The following PLOD2 variants were observed in gnomAD, a reference collection of about 807,000 sequenced individuals.
The protein encoded by PLOD2 is lysine hydroxylase 2.
PLOD2 carries 65 observed loss-of-function variants against 101.0 expected under a neutral mutation model. The observed-to-expected ratio is 0.64, with a 90% CI of 0.53 to 0.79. PLOD2 has a LOEUF of 0.79. Ranked by LOEUF, PLOD2 falls within the 30% of genes least tolerant of loss-of-function variation. The pLI, the probability that PLOD2 is intolerant of heterozygous loss-of-function variation, is 0.00. For missense variants in PLOD2, 909 were observed against 914.6 expected, an observed-to-expected ratio of 0.99 and a Z score of 0.08; for synonymous variants, 314 against 302.9, an observed-to-expected ratio of 1.04 and a Z score of -0.38.
At chr3:146,142,021 A>G (rs1234683125) in intron 1 of PLOD2, among the ~76,000 whole-genome samples, 1 of 152,080 alleles carries the variant, frequency 6.6e-6, no homozygotes, top group Admixed American at 6.6e-5. Context: ...GTTCCCAGAG[A>G]GTTAGAAAAT....
intron 7 of PLOD2, among the ~76,000 whole-genome samples, chr3:146,097,812 T>A (rs1489586462): frequency 2.2e-4 from 21 of 96,686 alleles, no homozygotes; most frequent in African/African-American, 6.6e-4. Flanking sequence ...AAAATAATAA[T>A]AATAATAATA....
At chr3:146,126,609 G>A (rs947295281) in intron 1 of PLOD2, among the ~76,000 whole-genome samples, 3 of 152,018 alleles carry the variant, frequency 2.0e-5, no homozygotes, top group African/African-American at 7.2e-5. Context: ...TTATGTAATC[G>A]ATGGCAAAAG....
At position 146,161,091 on chromosome 3, in the gene PLOD2, TGCGGGCGGGAGCCGGCGGGCAAGGCGC is replaced by T; in HGVS notation, c.-129_-103del. On this transcript the variant is annotated 5_prime_UTR_variant, in exon 1 of 20. Coordinates refer to ENST00000282903, the MANE Select transcript of PLOD2 (RefSeq NM_182943.3). Reference sequence around the variant, plus strand: ...CCCGGGTCCGCCCTGAGCCGCCGATTGCGGGCGGGAGCCGGCGGGCAAGGCGCGCGGCCGGCAGCCGGAGCGGCGCGT... The same window carrying T: ...CCCGGGTCCGCCCTGAGCCGCCGATTGCGGCCGGCAGCCGGAGCGGCGCGT... 5.8e-6 allele frequency: 4 copies of T among 692,500 alleles called. No homozygotes were observed. Among genetic ancestry groups the T allele is most frequent in the Non-Finnish European group, 8.6e-6 (4 of 465,822 alleles). The allele number at this position is 692,500 out of a possible 1,614,324, so 42.9% of individuals were successfully genotyped here. A position where few individuals can be genotyped will look rare whatever the true frequency, so the allele number is the denominator to read the frequency against.
At chr3:146,097,133 G>C (rs1346869507) in intron 7 of PLOD2, among the ~76,000 whole-genome samples, 5 of 111,090 alleles carry the variant, frequency 4.5e-5, no homozygotes, top group African/African-American at 8.9e-5. Flanking sequence ...AGGTGGGGGG[G>C]TCAGCCCCCC....
chr3:146,095,632 T>C (rs1937122664), intron 7 of PLOD2, among the ~76,000 whole-genome samples: 1 of 152,100 alleles, frequency 6.6e-6, no homozygotes, highest in Non-Finnish European at 1.5e-5. Context: ...TTTCAACCAT[T>C]GTGGAAGAGA....
At chr3:146,100,284 A>G (rs1443365071) in intron 7 of PLOD2, among the ~76,000 whole-genome samples, 1 of 152,234 alleles carries the variant, frequency 6.6e-6, no homozygotes, top group Non-Finnish European at 1.5e-5. Context: ...CTAACATTCA[A>G]TTAAGATTTG....
chr3:146,071,595 C>G (rs1008816983), intron 17 of PLOD2, among the ~76,000 whole-genome samples, 172 bp from the exon 18 acceptor site: 4 of 151,672 alleles, frequency 2.6e-5, no homozygotes, highest in African/African-American at 9.7e-5. Flanking sequence ...TAGGTAACAG[C>G]TTTGTCAATG....
chr3:146,144,072 T>C (rs1038968388), intron 1 of PLOD2, among the ~76,000 whole-genome samples: 5 of 152,084 alleles, frequency 3.3e-5, no homozygotes, highest in African/African-American at 1.2e-4. Flanking sequence ...CCTTCTATGC[T>C]CAAATGTAAC....
Position 146,121,111 on chromosome 3 carries a change from C to G in PLOD2, c.338+1G>C, listed in dbSNP as rs1559860078. ...TAAAATCCACAGGGTGTTTCTCCTA[C>G]CATTCAGTAAACATGACAACCAGAT... On this transcript the variant is annotated splice_donor_variant, in intron 3 of 19. Coordinates refer to ENST00000282903, the MANE Select transcript of PLOD2 (RefSeq NM_182943.3). LOFTEE classifies it high-confidence loss of function. 7 of 1,592,346 alleles carry G rather than the reference C, an allele frequency of 4.4e-6. No individual in the cohort carries two copies. Among genetic ancestry groups the G allele is most frequent in the Non-Finnish European group, 6.0e-6 (7 of 1,160,428 alleles).
rs547685298 is a variant in PLOD2, at chr3:146,091,875, A to G, written c.804T>C (p.Tyr268=). The G allele has an allele frequency of 1.2e-5, 19 of 1,598,844 alleles. No homozygotes were observed. The South Asian group carries it at 1.8e-4, about 15-fold the overall frequency. Residue 268 remains tyrosine (Y), a synonymous_variant, in exon 8 of 20, where the codon TAT becomes TAC. Transcript: ENST00000282903. ...TATCCTGTGTCCATGAATTGGGTAC[A>G]TAGTTTCCAAAATAATTCAGGAGAA... ...TKILLNYFGN[Y]VPNSWTQDNG...
chr3:146,127,260 T>C (rs2108103358), intron 1 of PLOD2, among the ~76,000 whole-genome samples: 2 of 152,270 alleles, frequency 1.3e-5, no homozygotes, highest in South Asian at 2.1e-4. Flanking sequence ...TGGCTTCTAG[T>C]ATATCCATTA....
chr3:146,091,859 T>G lies in PLOD2; in HGVS notation c.820A>C (p.Thr274Pro), dbSNP rs750468356. The change falls in exon 8 of 20, where the codon ACA (threonine) becomes CCA (proline). Residue 274 changes from threonine to proline, a missense_variant. Physicochemically the swap from Thr to Pro is conservative, Grantham distance 38. Transcript: ENST00000282903. ...CAAAGAGTGCAGCCATTATCCTGTG[T>G]CCATGAATTGGGTACATAGTTTCCA... ...YFGNYVPNSW[T>P]QDNGCTLCEF... The G allele has an allele frequency of 1.2e-6, 2 of 1,607,104 alleles. No homozygotes were observed. The highest frequency in any genetic ancestry group is 2.2e-5 in the South Asian group (2 of 90,930).
chr3:146,085,963 C>A (rs1936752290), intron 10 of PLOD2: 2 of 152,168 alleles, frequency 1.3e-5, no homozygotes, highest in African/African-American at 4.8e-5. Context: ...CAGACAGAAG[C>A]ACTAGGTACA....
intron 8 of PLOD2, among the ~76,000 whole-genome samples, chr3:146,089,416 G>C (rs977358628): frequency 6.6e-6 from 1 of 151,510 alleles, no homozygotes. Flanking sequence ...TTCCTGGCTT[G>C]AAAGACTTAC....
intron 1 of PLOD2, among the ~76,000 whole-genome samples, chr3:146,146,319 G>A (rs1163376821): frequency 6.6e-6 from 1 of 152,108 alleles, no homozygotes. Context: ...AAGTTCTTTG[G>A]AGCTAAACAT....
Position 146,161,053 on chromosome 3 carries a change from G to A in PLOD2, c.-64C>T. ...GGCCCCGCAGCGCCGCGCTTCTCGC[G>A]AGAACGCAGAGACCCGGGTCCGCCC... On this transcript the variant is annotated 5_prime_UTR_variant, in exon 1 of 20. Transcript: ENST00000282903. 2 of 1,173,672 alleles carry A rather than the reference G, an allele frequency of 1.7e-6. No homozygotes were observed. Among genetic ancestry groups the A allele is most frequent in the South Asian group, 1.3e-5 (1 of 76,186 alleles). The allele number at this position is 1,173,672 out of a possible 1,614,324, so 72.7% of individuals were successfully genotyped here.
At chr3:146,106,955 A>G (rs1038135045) in intron 4 of PLOD2, among the ~76,000 whole-genome samples, 1 of 152,236 alleles carries the variant, frequency 6.6e-6, no homozygotes, top group Admixed American at 6.5e-5. Flanking sequence ...TAAGGGAAAC[A>G]GATTTACTAG....
In PLOD2 at chr3:146,151,099, A is replaced by G. The variant is rs556124392; in HGVS notation, c.109+9782T>C. Among the ~76,000 whole-genome samples the G allele has an allele frequency of 4.6e-5, 7 of 152,218 alleles. No homozygotes were observed. The South Asian group carries it at 1.0e-3, about 23-fold the overall frequency. On this transcript the variant is annotated intron_variant, in intron 1 of 19. Coordinates refer to ENST00000282903, the MANE Select transcript of PLOD2 (RefSeq NM_182943.3). ...AGAATTTAAAACACAAAACAACCTT[A>G]TATCTATGCCTTCTTTGGCCTAACA...
intron 1 of PLOD2, among the ~76,000 whole-genome samples, chr3:146,137,654 C>T (rs1226407474): frequency 3.3e-5 from 5 of 152,106 alleles, no homozygotes; most frequent in Non-Finnish European, 5.9e-5. Flanking sequence ...GAACAACTAC[C>T]CAAATACTTG....
Sources: gnomAD v4.1 joint callset for allele counts (sites outside exome capture counted in the v4.1 genomes callset) on GRCh38, gnomAD v4.1.1 for gene constraint, MANE v1.5 for transcripts, NCBI Gene and HGNC (gene_info 2026-07-23, HGNC 2026-07-21) for gene names.